Variants in LPP observed in about 807,000 individuals in gnomAD.
LPP encodes LIM domain containing preferred translocation partner in lipoma, also known as lipoma-preferred partner.
Under a neutral mutation model 60.4 loss-of-function variants are expected in LPP, and 38 were observed. The observed-to-expected ratio is 0.63, with a 90% CI of 0.49 to 0.83. The LOEUF (loss-of-function observed/expected upper bound fraction) is 0.83, where lower values mean the gene tolerates loss of function less well. Ranked by LOEUF, LPP falls within the 40% of genes least tolerant of loss-of-function variation. LPP has a pLI of 0.00. For missense variants in LPP, 902 were observed against 783.6 expected, an observed-to-expected ratio of 1.15 and a Z score of -1.80; for synonymous variants, 328 against 290.8, an observed-to-expected ratio of 1.13 and a Z score of -1.30.
At chr3:188,170,329 CTTTTTTTT>C (rs34760455) in intron 1 of LPP, among the ~76,000 whole-genome samples, 13 of 96,444 alleles carry the variant, frequency 1.3e-4, no homozygotes, top group Non-Finnish European at 1.8e-4. Flanking sequence ...CTTTTCTTTT[CTTTTTTTT>C]TTTTTTTTTT....
chr3:188,670,393 C>T lies in LPP; in HGVS notation c.1114-37874C>T, dbSNP rs1209641962. Among the ~76,000 whole-genome samples, 8 of 151,814 alleles carry T rather than the reference C, an allele frequency of 5.3e-5. No individual in the cohort carries two copies. The East Asian group carries it at 1.4e-3, about 26-fold the overall frequency. On this transcript the variant is annotated intron_variant, in intron 7 of 11. Transcript: ENST00000617246. Reference sequence around the variant, plus strand: ...TGAGGAAGGGTTTTGCCAATGGTCACATAGATGTCAAATATCATTTACTGA... The same window carrying T: ...TGAGGAAGGGTTTTGCCAATGGTCATATAGATGTCAAATATCATTTACTGA...
intron 2 of LPP, among the ~76,000 whole-genome samples, chr3:188,264,289 G>C (rs1188982374): frequency 4.0e-5 from 6 of 151,876 alleles, no homozygotes; most frequent in African/African-American, 1.2e-4. Flanking sequence ...GAGAGACAGA[G>C]AGGGAGAGAG....
intron 9 of LPP, among the ~76,000 whole-genome samples, chr3:188,843,337 G>T (rs998088156): frequency 1.3e-5 from 2 of 152,140 alleles, no homozygotes; most frequent in Non-Finnish European, 2.9e-5. Flanking sequence ...GTACTGGCCC[G>T]AGAGTTAGGA....
chr3:188,186,785 A>C (rs1161012299), intron 1 of LPP, among the ~76,000 whole-genome samples: 1 of 143,658 alleles, frequency 7.0e-6, no homozygotes, highest in Non-Finnish European at 1.5e-5. Context: ...TTTCTAAATA[A>C]TATGCTTCTG....
chr3:188,557,407 T>G (rs186321494), intron 6 of LPP, among the ~76,000 whole-genome samples: 55 of 152,120 alleles, frequency 3.6e-4, no homozygotes, highest in Admixed American at 2.4e-3. Context: ...GAGTGGTATA[T>G]TTTAGGAACT....
At chr3:188,672,153 T>G (rs1393773172) in intron 7 of LPP, among the ~76,000 whole-genome samples, 1 of 152,004 alleles carries the variant, frequency 6.6e-6, no homozygotes, top group African/African-American at 2.4e-5. Flanking sequence ...CTGGGAGGGG[T>G]AGAAATGAGG....
At chr3:188,175,261 G>A (rs758541784) in intron 1 of LPP, among the ~76,000 whole-genome samples, 1 of 151,896 alleles carries the variant, frequency 6.6e-6, no homozygotes, top group Non-Finnish European at 1.5e-5. Flanking sequence ...AGTTTTCTTT[G>A]TATTTTTAGT....
intron 1 of LPP, among the ~76,000 whole-genome samples, chr3:188,172,588 A>T (rs1407619732): frequency 6.6e-6 from 1 of 152,202 alleles, no homozygotes; most frequent in Non-Finnish European, 1.5e-5. Flanking sequence ...TTTTAAATAA[A>T]CTTTTAATTT....
chr3:188,539,683 C>T (rs1579771824), intron 6 of LPP, among the ~76,000 whole-genome samples: 1 of 152,048 alleles, frequency 6.6e-6, no homozygotes. Context: ...ACATGAGGAC[C>T]ACAAGGAATA....
intron 2 of LPP, among the ~76,000 whole-genome samples, chr3:188,250,739 T>C (rs567120400): frequency 2.1e-5 from 2 of 95,838 alleles, no homozygotes; most frequent in Admixed American, 9.8e-5. Context: ...TCTTTCTTTC[T>C]TTCTTTCTTT....
chr3:188,255,935 G>A (rs750796051), intron 2 of LPP, among the ~76,000 whole-genome samples: 1 of 152,094 alleles, frequency 6.6e-6, no homozygotes. Flanking sequence ...ACTGGTTACC[G>A]TCATACCGTA....
At chr3:188,617,203 T>C (rs937943546) in intron 7 of LPP, among the ~76,000 whole-genome samples, 1 of 152,138 alleles carries the variant, frequency 6.6e-6, no homozygotes, top group African/African-American at 2.4e-5. Context: ...CCATCAGACA[T>C]AGAAGCGATT....
At chr3:188,266,513 A>AGAGGG (rs1219020492) in intron 2 of LPP, among the ~76,000 whole-genome samples, 44 of 148,912 alleles carry the variant, frequency 3.0e-4, no homozygotes, top group Non-Finnish European at 4.9e-4. Flanking sequence ...AGAGAAGAGG[A>AGAGGG]GAGGGGAGGG....
At chr3:188,819,319 C>T (rs923249505) in intron 9 of LPP, among the ~76,000 whole-genome samples, 3 of 151,838 alleles carry the variant, frequency 2.0e-5, no homozygotes, top group Non-Finnish European at 4.4e-5. Context: ...TTCCTTCCTT[C>T]CTTTTGGATT....
intron 9 of LPP, among the ~76,000 whole-genome samples, chr3:188,827,287 G>A (rs1013969328): frequency 2.0e-5 from 3 of 152,112 alleles, no homozygotes; most frequent in African/African-American, 4.8e-5. Context: ...ATGTTCTTTT[G>A]AAATAAGGCT....
chr3:188,193,236 T>C (rs1458282633), intron 1 of LPP, among the ~76,000 whole-genome samples: 1 of 152,170 alleles, frequency 6.6e-6, no homozygotes, highest in East Asian at 1.9e-4. Flanking sequence ...GGCGTTCTGG[T>C]ACCTCCCCTC....
At chr3:188,747,632 T>G (rs1298812649) in intron 8 of LPP, among the ~76,000 whole-genome samples, 2 of 152,058 alleles carry the variant, frequency 1.3e-5, no homozygotes, top group East Asian at 3.9e-4. Context: ...AGAGAGGAAT[T>G]TTTCCAGGAG....
chr3:188,778,791 A>C (rs1364555481), intron 9 of LPP, among the ~76,000 whole-genome samples: 3 of 152,200 alleles, frequency 2.0e-5, no homozygotes, highest in Non-Finnish European at 2.9e-5. Flanking sequence ...CCCTGAGGAG[A>C]TATAAAACTT....
chr3:188,630,195 AAG>A (rs1167273753), intron 7 of LPP, among the ~76,000 whole-genome samples: 2 of 152,160 alleles, frequency 1.3e-5, no homozygotes, highest in Non-Finnish European at 2.9e-5. Flanking sequence ...AGCCTATAGA[AAG>A]AGAGAAAATA....
Sources: allele counts gnomAD v4.1 joint callset (sites outside exome capture counted in the v4.1 genomes callset), GRCh38; gene constraint gnomAD v4.1.1; transcripts MANE v1.5; gene names NCBI Gene and HGNC (gene_info 2026-07-23, HGNC 2026-07-21).